TMEM178B: variants seen among roughly 807,000 people sequenced by gnomAD.
TMEM178B encodes the protein transmembrane protein 178B.
A neutral mutation model predicts 31.0 loss-of-function variants in TMEM178B; 5 were observed. That is an observed-to-expected ratio of 0.16 (90% CI 0.08 to 0.34). The LOEUF is 0.34. Ranked by LOEUF, TMEM178B falls within the 10% of genes least tolerant of loss-of-function variation. The pLI, the probability that TMEM178B is intolerant of heterozygous loss-of-function variation, is 1.00. For missense variants in TMEM178B, 275 were observed against 400.3 expected, an observed-to-expected ratio of 0.69 and a Z score of 2.67; for synonymous variants, 164 against 164.0, an observed-to-expected ratio of 1.00 and a Z score of 0.00.
rs544043228 is a variant in TMEM178B at position 141,459,523 on chromosome 7, G to A, written c.635-11013G>A. Among the ~76,000 whole-genome samples, 162 of 152,182 alleles carry A rather than the reference G, an allele frequency of 1.1e-3. 1 individual carries two copies. Among genetic ancestry groups the A allele is most frequent in the African/African-American group, 3.5e-3 (145 of 41,504 alleles). On this transcript the variant is annotated intron_variant, in intron 3 of 3. Coordinates refer to ENST00000565468, the MANE Select transcript of TMEM178B (RefSeq NM_001195278.2). ...CAATTAATTGGTAGCTTGCTGTTTC[G>A]GACCATAAAAATTTTAAAGATTCAG...
At chr7:141,178,599 T>A (rs1796469785) in intron 1 of TMEM178B, among the ~76,000 whole-genome samples, 1 of 152,206 alleles carries the variant, frequency 6.6e-6, no homozygotes, top group Non-Finnish European at 1.5e-5. Context: ...GTTTTAGCCA[T>A]GATTTAAAGT....
At chr7:141,269,743 T>C (rs1798151322) in intron 2 of TMEM178B, among the ~76,000 whole-genome samples, 1 of 152,168 alleles carries the variant, frequency 6.6e-6, no homozygotes, top group African/African-American at 2.4e-5. Flanking sequence ...TGGAGAGCAG[T>C]GGTGCCTGAA....
chr7:141,090,468 C>G (rs1794863737), intron 1 of TMEM178B, among the ~76,000 whole-genome samples: 1 of 152,228 alleles, frequency 6.6e-6, no homozygotes, highest in African/African-American at 2.4e-5. Context: ...AAGCCTCTCT[C>G]TCAAACGTTG....
At chr7:141,251,106 G>A (rs1797826038) in intron 2 of TMEM178B, among the ~76,000 whole-genome samples, 1 of 152,032 alleles carries the variant, frequency 6.6e-6, no homozygotes, top group African/African-American at 2.4e-5. Context: ...ATGTGGCTCT[G>A]CTGGGCCCTG....
At chr7:141,329,891 G>C (rs566113279) in intron 2 of TMEM178B, among the ~76,000 whole-genome samples, 4 of 152,168 alleles carry the variant, frequency 2.6e-5, no homozygotes, top group Non-Finnish European at 4.4e-5. Flanking sequence ...ACACAAAGAG[G>C]GGAACTCATC....
At chr7:141,439,127 T>C (rs1470865501) in intron 3 of TMEM178B, among the ~76,000 whole-genome samples, 1 of 151,896 alleles carries the variant, frequency 6.6e-6, no homozygotes, top group Non-Finnish European at 1.5e-5. Context: ...TATGGAGTGA[T>C]CTTGGGGGTT....
At chr7:141,275,649 G>C (rs765243152) in intron 2 of TMEM178B, among the ~76,000 whole-genome samples, 4 of 152,172 alleles carry the variant, frequency 2.6e-5, no homozygotes, top group Non-Finnish European at 4.4e-5. Context: ...TGCTTACCTT[G>C]CTCATAATGT....
chr7:141,481,144 C>T (rs529188364), downstream of TMEM178B, among the ~76,000 whole-genome samples: 16 of 152,326 alleles, frequency 1.1e-4, no homozygotes, highest in South Asian at 6.2e-4. Flanking sequence ...GCCCTGAGGC[C>T]GTATGGCGCT....
chr7:141,285,396 G>C lies in TMEM178B; in HGVS notation c.496+72692G>C, dbSNP rs186426647. 1.2e-3 allele frequency among the ~76,000 whole-genome samples: 175 copies of C among 151,732 alleles called. 1 individual carries two copies. The highest frequency in any genetic ancestry group is 6.8e-3 in the Middle Eastern group (2 of 294). On this transcript the variant is annotated intron_variant, in intron 2 of 3. Transcript: ENST00000565468. ...GATGGTCTCGATCTCCTGACCTCATGATCCACCTGCCTCGGCCTCCCAAAG... is the reference window on the plus strand; with the variant it reads ...GATGGTCTCGATCTCCTGACCTCATCATCCACCTGCCTCGGCCTCCCAAAG...
chr7:141,144,897 G>T (rs1197889214), intron 1 of TMEM178B, among the ~76,000 whole-genome samples: 2 of 152,180 alleles, frequency 1.3e-5, no homozygotes, highest in Non-Finnish European at 2.9e-5. Flanking sequence ...CAGGCTCAGG[G>T]TGGCTGAGGC....
At chr7:141,164,594 G>A (rs1796230931) in intron 1 of TMEM178B, among the ~76,000 whole-genome samples, 1 of 152,152 alleles carries the variant, frequency 6.6e-6, no homozygotes, top group Non-Finnish European at 1.5e-5. Flanking sequence ...CCAAGGCTAA[G>A]ATTCTAATTT....
chr7:141,237,005 GA>G (rs1168435848), intron 2 of TMEM178B, among the ~76,000 whole-genome samples: 1 of 152,230 alleles, frequency 6.6e-6, no homozygotes, highest in East Asian at 1.9e-4. Context: ...GTTGCAAAGA[GA>G]AATGGACATT....
intron 1 of TMEM178B, among the ~76,000 whole-genome samples, chr7:141,121,647 C>T (rs1340128537): frequency 6.6e-6 from 1 of 152,154 alleles, no homozygotes; most frequent in Non-Finnish European, 1.5e-5. Flanking sequence ...TCTTGCCTGA[C>T]GGTTTGATTG....
Position 141,111,313 on chromosome 7 carries a change from C to G in TMEM178B, c.382+36621C>G, listed in dbSNP as rs142025032. Among the ~76,000 whole-genome samples, 63 of 152,232 alleles carry G rather than the reference C, an allele frequency of 4.1e-4. 1 individual carries two copies. The East Asian group carries it at 0.012, about 28-fold the overall frequency. On this transcript the variant is annotated intron_variant, in intron 1 of 3. Transcript: ENST00000565468. Reference sequence around the variant, plus strand: ...AACAGGACAGGAAAAACCACCCCCCCAAGATTTGGTTACCTCCCACTGGGT... The same window carrying G: ...AACAGGACAGGAAAAACCACCCCCCGAAGATTTGGTTACCTCCCACTGGGT...
the TMEM178B span, among the ~76,000 whole-genome samples, chr7:141,491,241 C>G: frequency 6.6e-6 from 1 of 152,024 alleles, no homozygotes. Flanking sequence ...CTAGGTTTTC[C>G]AGGCTGGACT....
At chr7:141,184,637 C>G (rs140198216) in intron 1 of TMEM178B, among the ~76,000 whole-genome samples, 114 of 152,232 alleles carry the variant, frequency 7.5e-4, no homozygotes, top group Non-Finnish European at 1.4e-3. Context: ...GCTGTGGGCT[C>G]TTTGTTTATT....
chr7:141,423,805 GTTTTTTT>G (rs5888005), intron 2 of TMEM178B, among the ~76,000 whole-genome samples: 8 of 108,798 alleles, frequency 7.4e-5, no homozygotes, highest in East Asian at 2.8e-4. Flanking sequence ...TGACATTTGT[GTTTTTTT>G]TTTTTTTTTT....
intron 2 of TMEM178B, among the ~76,000 whole-genome samples, chr7:141,363,476 A>G (rs1799951435): frequency 6.6e-6 from 1 of 152,160 alleles, no homozygotes; most frequent in African/African-American, 2.4e-5. Flanking sequence ...CACGTGAGAG[A>G]AATTGAAGAT....
At chr7:141,355,530 A>T (rs994501953) in intron 2 of TMEM178B, among the ~76,000 whole-genome samples, 4 of 152,204 alleles carry the variant, frequency 2.6e-5, no homozygotes, top group African/African-American at 9.6e-5. Flanking sequence ...TATGTGCTGG[A>T]TAGGAAGGAC....
Sources: allele counts gnomAD v4.1 joint callset (sites outside exome capture counted in the v4.1 genomes callset), GRCh38; gene constraint gnomAD v4.1.1; transcripts MANE v1.5; gene names NCBI Gene and HGNC (gene_info 2026-07-23, HGNC 2026-07-21).